Variants in MALRD1 observed in about 807,000 individuals in gnomAD.
MALRD1 encodes the protein MAM and LDL-receptor class A domain-containing protein 1.
In MALRD1, 247 loss-of-function variants were observed where a neutral mutation model predicts 242.1. That is an observed-to-expected ratio of 1.02 (90% CI 0.92 to 1.13). The LOEUF (loss-of-function observed/expected upper bound fraction) is 1.13, where lower values mean the gene tolerates loss of function less well. Ranked by LOEUF, MALRD1 falls within the 50% of genes most tolerant of loss-of-function variation. MALRD1 has a pLI of 0.00. For missense variants in MALRD1, 2,989 were observed against 2,533.1 expected, an observed-to-expected ratio of 1.18 and a Z score of -3.86; for synonymous variants, 995 against 866.6, an observed-to-expected ratio of 1.15 and a Z score of -2.60.
intron 14 of MALRD1, among the ~76,000 whole-genome samples, chr10:19,185,941 A>G (rs965560663): frequency 3.3e-5 from 5 of 152,016 alleles, no homozygotes; most frequent in African/African-American, 1.2e-4. Flanking sequence ...CATCTTAATT[A>G]TAATATTAAA....
At chr10:19,179,894 C>T (rs1835426944) in intron 14 of MALRD1, among the ~76,000 whole-genome samples, 1 of 152,026 alleles carries the variant, frequency 6.6e-6, no homozygotes, top group Non-Finnish European at 1.5e-5. Flanking sequence ...TCAGTTCGTC[C>T]TTTTCCAGGG....
At chr10:19,333,401 G>A (rs1242596241) in intron 24 of MALRD1, among the ~76,000 whole-genome samples, 1 of 152,068 alleles carries the variant, frequency 6.6e-6, no homozygotes, top group Non-Finnish European at 1.5e-5. Flanking sequence ...TGCAGTGTTT[G>A]GTTTTCTGTT....
intron 38 of MALRD1, among the ~76,000 whole-genome samples, chr10:19,698,878 T>A (rs913403182): frequency 6.6e-6 from 1 of 152,098 alleles, no homozygotes; most frequent in Non-Finnish European, 1.5e-5. Flanking sequence ...AATGAATGAG[T>A]TCATGCCCTT....
intron 26 of MALRD1, among the ~76,000 whole-genome samples, chr10:19,387,173 C>T (rs11009697): frequency 0.12 from 17,587 of 151,980 alleles, 1,116 homozygotes; most frequent in South Asian, 0.17. Flanking sequence ...GATTTTGTTT[C>T]AGGATGAAAA....
intron 36 of MALRD1, among the ~76,000 whole-genome samples, chr10:19,627,759 T>TAAAAAAA (rs553942713): frequency 5.3e-5 from 3 of 56,206 alleles, no homozygotes; most frequent in African/African-American, 2.1e-4. Flanking sequence ...CAAGACTGTC[T>TAAAAAAA]AAAAAAAAAA....
chr10:19,254,128 A>G (rs1327001405), intron 18 of MALRD1, among the ~76,000 whole-genome samples: 2 of 152,022 alleles, frequency 1.3e-5, no homozygotes, highest in African/African-American at 2.4e-5. Flanking sequence ...ACCCAGTCTT[A>G]GGCAGTTCTT....
intron 36 of MALRD1, among the ~76,000 whole-genome samples, chr10:19,654,146 C>G (rs1841024116): frequency 6.6e-6 from 1 of 152,088 alleles, no homozygotes; most frequent in South Asian, 2.1e-4. Flanking sequence ...AATGATTTAT[C>G]ACCTCCCATA....
intron 2 of MALRD1, among the ~76,000 whole-genome samples, chr10:19,080,571 A>G (rs568641731): frequency 6.6e-6 from 1 of 152,244 alleles, no homozygotes; most frequent in East Asian, 1.9e-4. Context: ...CCATATGCAA[A>G]AAATTGAAAC....
At chr10:19,095,893 G>A (rs757818016) in intron 4 of MALRD1, among the ~76,000 whole-genome samples, 6 of 152,150 alleles carry the variant, frequency 3.9e-5, no homozygotes, top group Non-Finnish European at 5.9e-5. Context: ...TTGAGTAGAC[G>A]CTGAAGGATG....
At chr10:19,512,159 G>A (rs1035793591) in intron 31 of MALRD1, among the ~76,000 whole-genome samples, 9 of 152,044 alleles carry the variant, frequency 5.9e-5, no homozygotes. Context: ...GCCATTCTGT[G>A]CCCTAGATCA....
At chr10:19,307,182 A>G (rs564466987) in intron 21 of MALRD1, among the ~76,000 whole-genome samples, 3 of 151,682 alleles carry the variant, frequency 2.0e-5, no homozygotes, top group South Asian at 2.1e-4. Context: ...GTGGGTACCC[A>G]TTATATACTT....
intron 19 of MALRD1, among the ~76,000 whole-genome samples, chr10:19,260,042 G>A (rs1281082278): frequency 2.0e-5 from 3 of 152,148 alleles, no homozygotes; most frequent in African/African-American, 7.2e-5. Context: ...TTGTTGGATG[G>A]ATAAGTAGGT....
At chr10:19,334,866 A>G (rs141991843) in intron 24 of MALRD1, among the ~76,000 whole-genome samples, 8 of 152,176 alleles carry the variant, frequency 5.3e-5, no homozygotes, top group African/African-American at 1.9e-4. Flanking sequence ...TTTATTTGTA[A>G]TGTTTCCAGT....
intron 29 of MALRD1, among the ~76,000 whole-genome samples, chr10:19,454,713 T>TACAC (rs35489123): frequency 0.063 from 8,317 of 132,276 alleles, 365 homozygotes; most frequent in African/African-American, 0.12. Context: ...CGTGCACACG[T>TACAC]ACACACACAC....
intron 32 of MALRD1, among the ~76,000 whole-genome samples, chr10:19,542,244 A>T (rs1835003840): frequency 6.6e-6 from 1 of 152,144 alleles, no homozygotes; most frequent in South Asian, 2.1e-4. Context: ...GAAGCTGAAT[A>T]TTATTTCTTT....
At chr10:19,287,062 C>G (rs1332691618) in intron 21 of MALRD1, among the ~76,000 whole-genome samples, 2 of 152,092 alleles carry the variant, frequency 1.3e-5, no homozygotes. Context: ...TTATGTCTAC[C>G]TCTTTCATCT....
chr10:19,215,709 G>A (rs7091841), intron 18 of MALRD1, among the ~76,000 whole-genome samples: 2,054 of 147,432 alleles, frequency 0.014, 17 homozygotes, highest in East Asian at 0.11. Context: ...CTGTGCAGAC[G>A]TGCTATAATA....
Position 19,065,287 on chromosome 10 carries a change from C to CAAAAAAAAAAAAAA in MALRD1, c.200-1423_200-1410dup, listed in dbSNP as rs1197670439. ...GGGCAACAAGAGCAAAACGCTGTCT[C>CAAAAAAAAAAAAAA]AAAAAAAAAAAAAAAAAAAAAAGGA... On this transcript the variant is annotated intron_variant, in intron 1 of 39. Coordinates refer to ENST00000454679, the MANE Select transcript of MALRD1 (RefSeq NM_001142308.3). Among the ~76,000 whole-genome samples, 273 of 50,588 alleles carry CAAAAAAAAAAAAAA rather than the reference C, an allele frequency of 5.4e-3. 11 individuals carry two copies. The highest frequency in any genetic ancestry group is 0.013 in the African/African-American group (143 of 11,248). The allele number at this position is 50,588 out of a possible 152,430, so 33.2% of individuals were successfully genotyped here.
intron 36 of MALRD1, among the ~76,000 whole-genome samples, chr10:19,631,620 A>G (rs1352917616): frequency 1.3e-5 from 2 of 152,126 alleles, no homozygotes; most frequent in Non-Finnish European, 2.9e-5. Context: ...ACAGTGTATA[A>G]GGTTCATTTT....
Sources: allele counts gnomAD v4.1 joint callset (sites outside exome capture counted in the v4.1 genomes callset), GRCh38; gene constraint gnomAD v4.1.1; transcripts MANE v1.5; gene names NCBI Gene and HGNC (gene_info 2026-07-23, HGNC 2026-07-21).